The following TFCP2 variants were observed in gnomAD, a reference collection of about 807,000 sequenced individuals.
TFCP2 encodes transcription factor CP2, also known as alpha-globin transcription factor CP2.
In TFCP2, 33 loss-of-function variants were observed where a neutral mutation model predicts 73.4. That is an observed-to-expected ratio of 0.45 (90% CI 0.34 to 0.60). The LOEUF (loss-of-function observed/expected upper bound fraction) is 0.60, where lower values mean the gene tolerates loss of function less well. Among genes scored for constraint, TFCP2 ranks in the 20% least tolerant of loss-of-function variants. The pLI, the probability that TFCP2 is intolerant of heterozygous loss-of-function variation, is 0.01. For synonymous variants in TFCP2, 193 were observed against 211.6 expected, an observed-to-expected ratio of 0.91 and a Z score of 0.76; for missense variants, 352 against 604.0, an observed-to-expected ratio of 0.58 and a Z score of 4.37.
chr12:51,143,600 T>C (rs1566223284), intron 1 of TFCP2, among the ~76,000 whole-genome samples: 1 of 152,080 alleles, frequency 6.6e-6, no homozygotes, highest in Non-Finnish European at 1.5e-5. Context: ...ATTTTACATA[T>C]ATAAACTCAT....
At chr12:51,102,096 G>A in intron 10 of TFCP2, 71 bp from the exon 11 acceptor site, 10 of 1,056,718 alleles carry the variant, frequency 9.5e-6, no homozygotes, top group Admixed American at 7.4e-5. Context: ...AAAATGGGCT[G>A]TATTATAAGG....
rs60318954 is a variant in TFCP2, at chr12:51,149,024, C to CAAAAAAAAAAAAAAAAAAAAAAAA, written c.122+23276_122+23277insTTTTTTTTTTTTTTTTTTTTTTTT. Among the ~76,000 whole-genome samples the CAAAAAAAAAAAAAAAAAAAAAAAA allele has an allele frequency of 4.2e-4, 16 of 37,998 alleles. 2 individuals are homozygous for CAAAAAAAAAAAAAAAAAAAAAAAA. Among genetic ancestry groups the CAAAAAAAAAAAAAAAAAAAAAAAA allele is most frequent in the African/African-American group, 8.1e-4 (9 of 11,056 alleles). 24.9% of individuals were successfully genotyped at this position (37,998 alleles called of 152,430 possible). A position where few individuals can be genotyped will look rare whatever the true frequency, so the allele number is the denominator to read the frequency against. On this transcript the variant is annotated intron_variant, in intron 1 of 14. Coordinates refer to ENST00000257915, the MANE Select transcript of TFCP2 (RefSeq NM_005653.5). ...TGAGCAACAGAGCAAGACTCCATCTCAAAAAAAAAAAAAAAAACAGAAAGA... is the reference window on the plus strand; with the variant it reads ...TGAGCAACAGAGCAAGACTCCATCTCAAAAAAAAAAAAAAAAAAAAAAAAAAAAAAAAAAAAAAAAACAGAAAGA...
Position 51,109,104 on chromosome 12 carries a change from A to T in TFCP2, c.717+17T>A, listed in dbSNP as rs1415748621. ...AAGGTAAAAGAATCCAAGGGCCAGC[A>T]CATTGCCCAGGAATACCTTGAAAAC... is the stretch of plus-strand genomic sequence containing the variant. On this transcript the variant is annotated intron_variant, in intron 6 of 14. Coordinates refer to ENST00000257915, the MANE Select transcript of TFCP2 (RefSeq NM_005653.5). The T allele has an allele frequency of 2.5e-6, 4 of 1,613,440 alleles. No individual in the cohort carries two copies. In the South Asian group the frequency reaches 4.4e-5, roughly 18 times the overall value.
chr12:51,117,118 T>C (rs543139630), intron 3 of TFCP2, among the ~76,000 whole-genome samples: 19 of 152,272 alleles, frequency 1.2e-4, no homozygotes, highest in African/African-American at 4.3e-4. Flanking sequence ...TAACCCACCA[T>C]ACAACCTGTA....
At chr12:51,147,618 C>T (rs1941326951) in intron 1 of TFCP2, among the ~76,000 whole-genome samples, 2 of 152,120 alleles carry the variant, frequency 1.3e-5, no homozygotes, top group Admixed American at 1.3e-4. Context: ...GGATCCTCAT[C>T]TCTCACCTTA....
chr12:51,139,803 T>G (rs1668486042), intron 1 of TFCP2, among the ~76,000 whole-genome samples: 1 of 152,178 alleles, frequency 6.6e-6, no homozygotes, highest in Non-Finnish European at 1.5e-5. Context: ...GCACATAAAT[T>G]TCCATTTAAT....
chr12:51,150,864 C>T (rs1022809122), intron 1 of TFCP2, among the ~76,000 whole-genome samples: 3 of 152,150 alleles, frequency 2.0e-5, no homozygotes, highest in African/African-American at 7.2e-5. Flanking sequence ...ACTATTCTAA[C>T]AGTAGGCAGA....
At chr12:51,138,107 G>GTATT (rs1941103125) in intron 1 of TFCP2, among the ~76,000 whole-genome samples, 1 of 151,954 alleles carries the variant, frequency 6.6e-6, no homozygotes, top group African/African-American at 2.4e-5. Context: ...ACTTTTCTGT[G>GTATT]TATTTATTTA....
Position 51,110,863 on chromosome 12 carries a change from C to G in TFCP2, c.564+14G>C. On this transcript the variant is annotated intron_variant, in intron 5 of 14. Coordinates refer to ENST00000257915, the MANE Select transcript of TFCP2 (RefSeq NM_005653.5). ...ATACTCTTCAAAACTGGAACCCTAT[C>G]TGCAACGCCTTACCTGAATAAACAC... is the stretch of plus-strand genomic sequence containing the variant. 1 of 1,575,544 alleles carries G rather than the reference C, an allele frequency of 6.3e-7. No individual in the cohort carries two copies. Among genetic ancestry groups the G allele is most frequent in the Non-Finnish European group, 8.7e-7 (1 of 1,145,298 alleles).
intron 13 of TFCP2, among the ~76,000 whole-genome samples, chr12:51,097,580 CAT>C (rs1170013234): frequency 6.6e-6 from 1 of 151,942 alleles, no homozygotes; most frequent in Non-Finnish European, 1.5e-5. Flanking sequence ...CTTATTAAAA[CAT>C]GTAGCATATT....
chr12:51,122,252 T>C (rs1940697708), intron 1 of TFCP2, among the ~76,000 whole-genome samples: 1 of 135,500 alleles, frequency 7.4e-6, no homozygotes, highest in Admixed American at 7.7e-5. Context: ...TTTTTTCTTT[T>C]CTTTTTTTTT....
chr12:51,130,869 C>G (rs1164558869), intron 1 of TFCP2, among the ~76,000 whole-genome samples: 2 of 151,796 alleles, frequency 1.3e-5, no homozygotes, highest in African/African-American at 4.8e-5. Flanking sequence ...TGCCTGTAAT[C>G]CCAGCTACTC....
At chr12:51,138,571 T>C (rs1438651411) in intron 1 of TFCP2, among the ~76,000 whole-genome samples, 1 of 152,134 alleles carries the variant, frequency 6.6e-6, no homozygotes, top group Non-Finnish European at 1.5e-5. Flanking sequence ...TCTCCTCTTT[T>C]ATGCTAAAAG....
At chr12:51,112,026 T>A (rs1382429333) in intron 4 of TFCP2, among the ~76,000 whole-genome samples, 1 of 151,630 alleles carries the variant, frequency 6.6e-6, no homozygotes, top group Non-Finnish European at 1.5e-5. Context: ...GGCATGGTAG[T>A]GGGCATCTGT....
intron 14 of TFCP2, 106 bp from the exon 15 acceptor site, chr12:51,095,384 T>G (rs1287101264): frequency 8.0e-7 from 1 of 1,255,084 alleles, no homozygotes; most frequent in African/African-American, 1.5e-5. Flanking sequence ...AAAAGGGAGG[T>G]GGAGGTTGCA....
intron 1 of TFCP2, among the ~76,000 whole-genome samples, chr12:51,143,758 G>A (rs1275839706): frequency 6.6e-6 from 1 of 152,120 alleles, no homozygotes; most frequent in Non-Finnish European, 1.5e-5. Flanking sequence ...ACTATGCTAG[G>A]CTGTCTCTTG....
At chr12:51,104,615 C>T (rs1422577798) in intron 8 of TFCP2, among the ~76,000 whole-genome samples, 1 of 151,920 alleles carries the variant, frequency 6.6e-6, no homozygotes, top group Non-Finnish European at 1.5e-5. Context: ...TACATTACTA[C>T]TGTAGGAAAT....
chr12:51,138,199 T>A (rs1014779298), intron 1 of TFCP2, among the ~76,000 whole-genome samples: 1 of 152,200 alleles, frequency 6.6e-6, no homozygotes, highest in South Asian at 2.1e-4. Flanking sequence ...TGTAGTGCAA[T>A]GGCACTATCT....
At chr12:51,165,944 C>T (rs779013743) in intron 1 of TFCP2, among the ~76,000 whole-genome samples, 1 of 151,850 alleles carries the variant, frequency 6.6e-6, no homozygotes, top group South Asian at 2.1e-4. Context: ...CCCGGGAGTT[C>T]GAAGCTGCAG....
Sources: allele counts gnomAD v4.1 joint callset (sites outside exome capture counted in the v4.1 genomes callset), GRCh38; gene constraint gnomAD v4.1.1; transcripts MANE v1.5; gene names NCBI Gene and HGNC (gene_info 2026-07-23, HGNC 2026-07-21).